Variants in CNTNAP2 observed in about 807,000 individuals in gnomAD.
CNTNAP2 encodes contactin-associated protein-like 2.
CNTNAP2 carries 98 observed loss-of-function variants against 155.2 expected under a neutral mutation model. The ratio of observed to expected loss-of-function variants is 0.63; its 90% CI spans 0.54 to 0.75. The LOEUF (loss-of-function observed/expected upper bound fraction) is 0.75, where lower values mean the gene tolerates loss of function less well. Ranked by LOEUF, CNTNAP2 falls within the 30% of genes least tolerant of loss-of-function variation. The pLI is 0.00. For synonymous variants in CNTNAP2, 651 were observed against 631.2 expected (o/e 1.03, Z -0.47); for missense variants, 1,727 against 1,688.1 (o/e 1.02, Z -0.40).
At chr7:147,416,915 C>A (rs575309100) in intron 10 of CNTNAP2, among the ~76,000 whole-genome samples, 54 of 152,062 alleles carry the variant, frequency 3.6e-4, no homozygotes, top group African/African-American at 1.3e-3. Flanking sequence ...ATGGTGAAAC[C>A]CCATCTCTAC....
chr7:146,659,706 C>A (rs561613030), intron 1 of CNTNAP2, among the ~76,000 whole-genome samples: 1 of 152,258 alleles, frequency 6.6e-6, no homozygotes, highest in Middle Eastern at 3.4e-3. Context: ...ATATTCATCA[C>A]GTCTTAATAA....
chr7:146,474,997 G>A (rs901948273), intron 1 of CNTNAP2, among the ~76,000 whole-genome samples: 9 of 132,440 alleles, frequency 6.8e-5, no homozygotes, highest in South Asian at 2.3e-4. Flanking sequence ...GCACGAGCGC[G>A]CACGCGCGCG....
intron 1 of CNTNAP2, among the ~76,000 whole-genome samples, chr7:146,151,646 ATATAT>A (rs1798041959): frequency 2.0e-4 from 14 of 70,276 alleles, no homozygotes; most frequent in South Asian, 5.6e-4. Context: ...ATATATATAT[ATATAT>A]ATATATATAT....
intron 1 of CNTNAP2, among the ~76,000 whole-genome samples, chr7:146,571,944 C>A (rs575023952): frequency 3.9e-5 from 6 of 152,188 alleles, no homozygotes; most frequent in African/African-American, 1.4e-4. Flanking sequence ...TTTTGGCCAT[C>A]CCGACCTCAG....
chr7:147,468,547 A>T (rs540416214), intron 10 of CNTNAP2, among the ~76,000 whole-genome samples: 1 of 152,226 alleles, frequency 6.6e-6, no homozygotes, highest in African/African-American at 2.4e-5. Flanking sequence ...GCATTCTGAT[A>T]GATGAGATTA....
At chr7:147,077,274 G>C (rs1342208609) in intron 4 of CNTNAP2, among the ~76,000 whole-genome samples, 1 of 151,292 alleles carries the variant, frequency 6.6e-6, no homozygotes, top group Non-Finnish European at 1.5e-5. Flanking sequence ...ACCTACATTT[G>C]TATCTTTAGT....
chr7:146,883,102 C>T (rs1585137501), intron 3 of CNTNAP2, among the ~76,000 whole-genome samples: 1 of 152,122 alleles, frequency 6.6e-6, no homozygotes, highest in East Asian at 1.9e-4. Flanking sequence ...GGTACCGTAA[C>T]TGTAAATTTG....
intron 13 of CNTNAP2, among the ~76,000 whole-genome samples, chr7:147,761,895 G>A (rs1200225249): frequency 6.6e-6 from 1 of 151,910 alleles, no homozygotes; most frequent in African/African-American, 2.4e-5. Flanking sequence ...AAATAGAGTG[G>A]GTGGCTATGT....
At chr7:148,036,078 G>A (rs1044123767) in intron 15 of CNTNAP2, among the ~76,000 whole-genome samples, 1 of 152,156 alleles carries the variant, frequency 6.6e-6, no homozygotes, top group Non-Finnish European at 1.5e-5. Context: ...CACATAACTT[G>A]TTTAACTTCA....
intron 3 of CNTNAP2, among the ~76,000 whole-genome samples, chr7:146,909,139 G>T (rs373911513): frequency 7.9e-5 from 12 of 152,128 alleles, no homozygotes; most frequent in East Asian, 1.9e-4. Context: ...AATAACAGGA[G>T]CTGAAATTGT....
At chr7:147,115,447 G>A (rs970799040) in intron 5 of CNTNAP2, among the ~76,000 whole-genome samples, 1 of 152,054 alleles carries the variant, frequency 6.6e-6, no homozygotes, top group African/African-American at 2.4e-5. Flanking sequence ...GTCTCTCCCA[G>A]GTACACCAAT....
chr7:146,209,107 T>C (rs1282609105), intron 1 of CNTNAP2, among the ~76,000 whole-genome samples: 1 of 152,122 alleles, frequency 6.6e-6, no homozygotes, highest in East Asian at 1.9e-4. Context: ...CCTCTTTCTG[T>C]AGGTGATGCT....
chr7:147,867,493 CTGCCT>C (rs1229770982), intron 13 of CNTNAP2, among the ~76,000 whole-genome samples: 1 of 152,096 alleles, frequency 6.6e-6, no homozygotes, highest in Non-Finnish European at 1.5e-5. Context: ...GAATGTTGAC[CTGCCT>C]TGCTAGGTTG....
At chr7:146,923,470 C>T (rs943550883) in intron 3 of CNTNAP2, among the ~76,000 whole-genome samples, 1 of 152,076 alleles carries the variant, frequency 6.6e-6, no homozygotes, top group African/African-American at 2.4e-5. Context: ...TTGGCACAGT[C>T]GCTAGCATAT....
At chr7:148,121,389 T>G (rs1804592049) in intron 16 of CNTNAP2, among the ~76,000 whole-genome samples, 1 of 152,186 alleles carries the variant, frequency 6.6e-6, no homozygotes, top group South Asian at 2.1e-4. Flanking sequence ...AGACATTGGG[T>G]AGAGAATTCT....
intron 13 of CNTNAP2, among the ~76,000 whole-genome samples, chr7:147,639,667 G>C (rs1795242748): frequency 6.6e-6 from 1 of 152,138 alleles, no homozygotes; most frequent in Admixed American, 6.5e-5. Context: ...AAAGATGAAA[G>C]CATTCTAAAA....
chr7:147,006,217 G>A (rs1798520943), intron 3 of CNTNAP2, among the ~76,000 whole-genome samples: 2 of 151,952 alleles, frequency 1.3e-5, no homozygotes, highest in African/African-American at 4.8e-5. Context: ...TTGGGCTTCT[G>A]GGCAAGGGGT....
chr7:148,178,085 G>A (rs192441831), intron 18 of CNTNAP2, among the ~76,000 whole-genome samples: 1 of 152,202 alleles, frequency 6.6e-6, no homozygotes, highest in Admixed American at 6.5e-5. Flanking sequence ...TATATGATAG[G>A]AATACATGTG....
At chr7:146,563,563 A>G (rs190065745) in intron 1 of CNTNAP2, among the ~76,000 whole-genome samples, 6 of 152,242 alleles carry the variant, frequency 3.9e-5, no homozygotes, top group Admixed American at 3.9e-4. Flanking sequence ...TGGTACCTGG[A>G]AACATTCTTA....
Sources: gnomAD v4.1 joint callset for allele counts (sites outside exome capture counted in the v4.1 genomes callset) on GRCh38, gnomAD v4.1.1 for gene constraint, MANE v1.5 for transcripts, NCBI Gene and HGNC (gene_info 2026-07-23, HGNC 2026-07-21) for gene names.